DHX8: variants seen among roughly 807,000 people sequenced by gnomAD.
DHX8 encodes the protein DEAH-box helicase 8.
Under a neutral mutation model 140.7 loss-of-function variants are expected in DHX8, and 67 were observed. The observed-to-expected ratio is 0.48, with a 90% CI of 0.39 to 0.58. The LOEUF is 0.58. DHX8 is among the 20% of genes least tolerant of loss of function. The pLI is 0.00. For missense variants in DHX8, 887 were observed against 1,550.7 expected (o/e 0.57, Z 7.19); for synonymous variants, 533 against 553.2 (o/e 0.96, Z 0.51).
intron 2 of DHX8, chr17:43,536,346 C>G (rs1971242250): frequency 3.2e-6 from 4 of 1,266,718 alleles, no homozygotes; most frequent in South Asian, 1.2e-5. Context: ...ACAAGCTGCT[C>G]TCTTGTGATT....
In DHX8 at chr17:43,517,030, T is replaced by C. The variant is rs569696052; in HGVS notation, c.2644-137T>C. The C allele has an allele frequency of 1.4e-4, 122 of 895,944 alleles. 1 individual carries two copies. The South Asian group carries it at 2.1e-3, about 15-fold the overall frequency. 55.5% of individuals were successfully genotyped at this position (895,944 alleles called of 1,614,324 possible). On this transcript the variant is annotated intron_variant, in intron 17 of 22. Coordinates refer to ENST00000262415, the MANE Select transcript of DHX8 (RefSeq NM_004941.3). ...ATAAGAGCATTGGTAGTCTTGGAAA[T>C]GGTCCCAAAGGAAGTGAAATCAACC...
rs1356651702 is a variant in DHX8 at position 43,524,728 on chromosome 17, TG to T, written c.*882del. 1.0e-6 allele frequency: 1 copy of T among 985,474 alleles called. No homozygotes were observed. Among genetic ancestry groups the T allele is most frequent in the Non-Finnish European group, 1.2e-6 (1 of 829,936 alleles). 61.0% of individuals were successfully genotyped at this position (985,474 alleles called of 1,614,324 possible). A position where few individuals can be genotyped will look rare whatever the true frequency, so the allele number is the denominator to read the frequency against. Reference sequence around the variant, plus strand: ...TAACAACACAGCTTTTATTTTATTTTGTTTTTATTTTTTTCCCCTGAGGTCC... The same window carrying T: ...TAACAACACAGCTTTTATTTTATTTTTTTTTATTTTTTTCCCCTGAGGTCC... On this transcript the variant is annotated 3_prime_UTR_variant, in exon 23 of 23. Coordinates refer to ENST00000262415, the MANE Select transcript of DHX8 (RefSeq NM_004941.3).
At chr17:43,529,461 G>A (rs1598191431), downstream of DHX8, 3 of 1,575,676 alleles carry the variant, frequency 1.9e-6, no homozygotes, top group African/African-American at 2.7e-5. Flanking sequence ...CCTCCAGGCT[G>A]TAAACTTTGG....
At position 43,541,548 on chromosome 17, in the gene DHX8, A is replaced by AT. The variant is rs1567715362; in HGVS notation, c.*21-2614_*21-2613insT. 7.2e-5 allele frequency among the ~76,000 whole-genome samples: 11 copies of AT among 152,210 alleles called. 1 individual carries two copies. The East Asian group carries it at 2.1e-3, about 29-fold the overall frequency. ...TTCAAAAAGGGGGGTTAGTAAAAAA[A>AT]GAGGAGGGGCTTGGGGGGTCTCCCA... On this transcript the variant is annotated intron_variant, in intron 3 of 3. Transcript: ENST00000589898.
intron 9 of DHX8, among the ~76,000 whole-genome samples, chr17:43,498,343 C>T (rs1321165989): frequency 6.6e-6 from 1 of 151,854 alleles, no homozygotes; most frequent in East Asian, 1.9e-4. Context: ...GATGGGGTTT[C>T]ACCATGTTGA....
intron 18 of DHX8, chr17:43,517,559 G>C (rs1463439676): frequency 4.1e-6 from 2 of 487,736 alleles, no homozygotes; most frequent in Non-Finnish European, 7.2e-6. Flanking sequence ...AGGATATTAG[G>C]TTGTAAAAGG....
At position 43,487,090 on chromosome 17, in the gene DHX8, G is replaced by A. The variant is rs372165459; in HGVS notation, c.149-2359G>A. 1.1e-4 allele frequency among the ~76,000 whole-genome samples: 16 copies of A among 152,242 alleles called. No individual in the cohort carries two copies. In the South Asian group the frequency reaches 3.1e-3, roughly 30 times the overall value. On this transcript the variant is annotated intron_variant, in intron 1 of 22. Coordinates refer to ENST00000262415, the MANE Select transcript of DHX8 (RefSeq NM_004941.3). ...ATTGGGTAGGTCAGTGTCTCAAACCGTCAGCTTCCTCATTGTAAAACATGA... is the reference window on the plus strand; with the variant it reads ...ATTGGGTAGGTCAGTGTCTCAAACCATCAGCTTCCTCATTGTAAAACATGA...
intron 3 of DHX8, among the ~76,000 whole-genome samples, chr17:43,540,223 C>T (rs915683052): frequency 3.3e-5 from 5 of 152,166 alleles, no homozygotes; most frequent in Admixed American, 3.3e-4. Context: ...GAGGCTGAGG[C>T]AGGCAGACGA....
intron 3 of DHX8, among the ~76,000 whole-genome samples, chr17:43,538,296 A>T (rs1766744876): frequency 6.6e-6 from 1 of 152,108 alleles, no homozygotes; most frequent in Admixed American, 6.5e-5. Context: ...ACAGAGCAAG[A>T]CTCCATCTCA....
At chr17:43,496,370 T>C in intron 9 of DHX8, 102 bp downstream of exon 9, 2 of 756,532 alleles carry the variant, frequency 2.6e-6, no homozygotes, top group Non-Finnish European at 4.5e-6. Flanking sequence ...CATTTGTTCT[T>C]TGGATCTCAC....
chr17:43,513,636 G>A (rs1297723992), intron 17 of DHX8, 134 bp downstream of exon 17: 6 of 777,650 alleles, frequency 7.7e-6, no homozygotes, highest in African/African-American at 7.3e-5. Context: ...ATGACATGAG[G>A]GAAGGATTTT....
intron 17 of DHX8, among the ~76,000 whole-genome samples, chr17:43,515,553 G>A (rs769764822): frequency 1.1e-4 from 17 of 152,122 alleles, no homozygotes; most frequent in Non-Finnish European, 2.1e-4. Flanking sequence ...GTGCATTCTC[G>A]CATTGATCCT....
intron 17 of DHX8, among the ~76,000 whole-genome samples, chr17:43,514,628 C>G (rs144880500): frequency 8.9e-4 from 136 of 152,240 alleles, no homozygotes; most frequent in African/African-American, 3.0e-3. Flanking sequence ...AAATGTTCAT[C>G]TCTTTAACCT....
At position 43,500,107 on chromosome 17, in the gene DHX8, G is replaced by A. The variant is rs1015170503; in HGVS notation, c.1546+4G>A. 5.6e-6 allele frequency: 9 copies of A among 1,613,700 alleles called. No individual in the cohort carries two copies. The highest frequency in any genetic ancestry group is 7.6e-6 in the Non-Finnish European group (9 of 1,179,792). ...TGGGTTGACCCTCTGCCTGATGGTA[G>A]GACCCTTGGAGGGGTGTATGGACCT... is the stretch of plus-strand genomic sequence containing the variant. On this transcript the variant is annotated splice_donor_region_variant and intron_variant, in intron 11 of 22. Coordinates refer to ENST00000262415, the MANE Select transcript of DHX8 (RefSeq NM_004941.3).
chr17:43,513,286 TG>T, intron 16 of DHX8, 75 bp from the exon 17 acceptor site: 7 of 1,486,574 alleles, frequency 4.7e-6, no homozygotes, highest in Non-Finnish European at 6.4e-6. Flanking sequence ...GGAAGATATC[TG>T]GGTTCAGAAG....
Position 43,484,978 on chromosome 17 carries a change from G to A in DHX8, c.148+793G>A, listed in dbSNP as rs1598108615. Among the ~76,000 whole-genome samples, 3 of 152,272 alleles carry A rather than the reference G, an allele frequency of 2.0e-5. No homozygotes were observed. In the South Asian group the frequency reaches 6.2e-4, roughly 32 times the overall value. On this transcript the variant is annotated intron_variant, in intron 1 of 22. Transcript: ENST00000262415. ...AACACCAGTCACTAGATGTTTTGGG[G>A]CAAACTACATCTGGGGAGCCGAAAC...
rs780202040 is a variant in DHX8, at chr17:43,520,094, C to T, written c.2800-36C>T. 9 of 1,613,100 alleles carry T rather than the reference C, an allele frequency of 5.6e-6. No individual in the cohort carries two copies. In the South Asian group the frequency reaches 8.8e-5, roughly 16 times the overall value. ...CACATGCTGACACTGGCTAGACTGA[C>T]CCTCTTATCACATGCCTTCTTCCTT... is the stretch of plus-strand genomic sequence containing the variant. On this transcript the variant is annotated intron_variant, in intron 18 of 22. Transcript: ENST00000262415.
At chr17:43,497,986 G>A (rs1968959600) in intron 9 of DHX8, among the ~76,000 whole-genome samples, 1 of 152,148 alleles carries the variant, frequency 6.6e-6, no homozygotes, top group African/African-American at 2.4e-5. Context: ...TAGAATGTCA[G>A]GAGAGCATTT....
At position 43,508,015 on chromosome 17, in the gene DHX8, A is replaced by T. The variant is rs1210416501; in HGVS notation, c.2316A>T (p.Pro772=). 1 of 1,613,622 alleles carries T rather than the reference A, an allele frequency of 6.2e-7. No individual in the cohort carries two copies. Among genetic ancestry groups the T allele is most frequent in the Admixed American group, 1.7e-5 (1 of 59,952 alleles). ...ITVMQIHLTE[P]PGDILVFLTG... ...TTATGCAGATTCATTTAACAGAACC[A>T]CCAGGTAAGGGGAAAAAGCAATTTT... Residue 772 remains proline, a synonymous_variant, in exon 15 of 23, where the codon CCA becomes CCT. Coordinates refer to ENST00000262415, the MANE Select transcript of DHX8 (RefSeq NM_004941.3).
Sources: allele counts gnomAD v4.1 joint callset (sites outside exome capture counted in the v4.1 genomes callset), GRCh38; gene constraint gnomAD v4.1.1; transcripts MANE v1.5; gene names NCBI Gene and HGNC (gene_info 2026-07-23, HGNC 2026-07-21).